SPACDR: variants seen among roughly 807,000 people sequenced by gnomAD.
The protein encoded by SPACDR is sperm acrosome developmental regulator, also known as uncharacterized protein C7orf61.
At chr7:100,456,671 T>A in the SPACDR span, 1 of 867,748 alleles carries the variant, frequency 1.2e-6, no homozygotes. Flanking sequence ...GTTTTACAAC[T>A]GGAATACATG....
the SPACDR span, chr7:100,463,620 A>G: frequency 5.0e-6 from 8 of 1,613,816 alleles, no homozygotes; most frequent in African/African-American, 4.0e-5. Context: ...ATCTTCTTCA[A>G]TGAGTGTTTC....
the SPACDR span, chr7:100,463,506 A>G: frequency 7.4e-6 from 12 of 1,613,952 alleles, no homozygotes; most frequent in South Asian, 7.7e-5. Flanking sequence ...GTCTTGGCCA[A>G]CACGCAGGGA....
the SPACDR span, chr7:100,463,538 C>T: frequency 6.8e-6 from 11 of 1,614,018 alleles, no homozygotes; most frequent in South Asian, 8.8e-5. Flanking sequence ...GGGGGACTCA[C>T]CCAACTTGGG....
the SPACDR span, among the ~76,000 whole-genome samples, chr7:100,457,853 ATATAT>A: frequency 1.9e-3 from 90 of 47,392 alleles, no homozygotes; most frequent in African/African-American, 6.9e-3. Context: ...ATATATATAT[ATATAT>A]TTTTTTTTTT....
chr7:100,458,745 G>A, the SPACDR span, among the ~76,000 whole-genome samples: 5 of 152,058 alleles, frequency 3.3e-5, no homozygotes, highest in African/African-American at 1.2e-4. Context: ...GGCTAACATG[G>A]TGAAACCCCA....
At chr7:100,457,799 A>G in the SPACDR span, among the ~76,000 whole-genome samples, 434 of 45,746 alleles carry the variant, frequency 9.5e-3, 2 homozygotes, top group African/African-American at 0.028. Context: ...TTTTATATAT[A>G]TATATGTGTG....
At chr7:100,462,253 G>A in the SPACDR span, among the ~76,000 whole-genome samples, 39 of 151,952 alleles carry the variant, frequency 2.6e-4, no homozygotes, top group African/African-American at 8.9e-4. Context: ...TCGCTCTGTC[G>A]CCCAGGCTGG....
At chr7:100,461,566 C>G in the SPACDR span, among the ~76,000 whole-genome samples, 1 of 152,052 alleles carries the variant, frequency 6.6e-6, no homozygotes. Context: ...GCATGATCCA[C>G]TGTGCCTGGC....
chr7:100,457,801 ATATGTGTG>A, the SPACDR span, among the ~76,000 whole-genome samples: 9 of 74,372 alleles, frequency 1.2e-4, no homozygotes, highest in South Asian at 5.2e-4. Context: ...TTATATATAT[ATATGTGTG>A]TGTGTGTGTG....
the SPACDR span, among the ~76,000 whole-genome samples, chr7:100,462,578 AC>A: frequency 6.6e-6 from 1 of 151,410 alleles, no homozygotes; most frequent in Non-Finnish European, 1.5e-5. Context: ...GTGCAGTGGC[AC>A]AATCATAGCT....
chr7:100,462,138 A>G, the SPACDR span, among the ~76,000 whole-genome samples: 3 of 152,192 alleles, frequency 2.0e-5, no homozygotes, highest in Non-Finnish European at 4.4e-5. Flanking sequence ...GTAGCCCTGC[A>G]AGTCTGCAAG....
the SPACDR span, among the ~76,000 whole-genome samples, chr7:100,459,357 C>A: frequency 1.3e-4 from 20 of 150,338 alleles, no homozygotes; most frequent in African/African-American, 4.7e-4. Context: ...GGCTGGAGTG[C>A]AGTGGCATGA....
chr7:100,457,450 C>G, the SPACDR span, among the ~76,000 whole-genome samples: 3 of 151,250 alleles, frequency 2.0e-5, no homozygotes, highest in Non-Finnish European at 4.4e-5. Context: ...TCCTGAGTAG[C>G]TGGGATTACA....
the SPACDR span, chr7:100,464,131 G>C: frequency 1.3e-6 from 2 of 1,542,216 alleles, no homozygotes; most frequent in African/African-American, 2.7e-5. Flanking sequence ...ACCACCTCTT[G>C]AGGGGTCTCC....
chr7:100,458,209 TG>T, the SPACDR span, among the ~76,000 whole-genome samples: 8 of 108,864 alleles, frequency 7.3e-5, no homozygotes, highest in Non-Finnish European at 1.6e-4. Context: ...TGTGTGTGTG[TG>T]TGTGTGTGTG....
At chr7:100,461,013 A>T in the SPACDR span, among the ~76,000 whole-genome samples, 1 of 152,142 alleles carries the variant, frequency 6.6e-6, no homozygotes, top group Admixed American at 6.6e-5. Flanking sequence ...GCCTTCTACC[A>T]GCTGACTTTA....
chr7:100,461,728 A>C, the SPACDR span, among the ~76,000 whole-genome samples: 1 of 151,608 alleles, frequency 6.6e-6, no homozygotes, highest in Non-Finnish European at 1.5e-5. Context: ...AGTGGCTCAC[A>C]CCTGTAATCC....
At chr7:100,460,617 A>G in the SPACDR span, among the ~76,000 whole-genome samples, 3 of 151,072 alleles carry the variant, frequency 2.0e-5, no homozygotes, top group Non-Finnish European at 3.0e-5. Flanking sequence ...GAGAGAGAGA[A>G]ATGACCATCC....
chr7:100,463,896 A>C, the SPACDR span: 1 of 1,527,514 alleles, frequency 6.5e-7, no homozygotes, highest in Non-Finnish European at 9.0e-7. Flanking sequence ...CCACGCAGTA[A>C]GGGGCTGCTG....
Sources: gnomAD v4.1 joint callset for allele counts (sites outside exome capture counted in the v4.1 genomes callset) on GRCh38, gnomAD v4.1.1 for gene constraint, MANE v1.5 for transcripts, NCBI Gene and HGNC (gene_info 2026-07-23, HGNC 2026-07-21) for gene names.